The following HDAC8 variants were observed in gnomAD, a reference collection of about 807,000 sequenced individuals.
The protein encoded by HDAC8 is histone deacetylase-like 1.
In HDAC8, 1 loss-of-function variant was observed where a neutral mutation model predicts 32.2. That is an observed-to-expected ratio of 0.03 (90% CI 0.01 to 0.15). HDAC8 has a LOEUF of 0.15. Ranked by LOEUF, HDAC8 falls within the 10% of genes least tolerant of loss-of-function variation. HDAC8 has a pLI of 1.00. For synonymous variants in HDAC8, 108 were observed against 113.9 expected, an observed-to-expected ratio of 0.95 and a Z score of 0.33; for missense variants, 117 against 300.0, an observed-to-expected ratio of 0.39 and a Z score of 4.51.
At position 72,329,673 on chromosome X, in the gene HDAC8, C is replaced by T. The variant is rs782026895; in HGVS notation, c.*381G>A. On this transcript the variant is annotated 3_prime_UTR_variant, in exon 11 of 11. Transcript: ENST00000373573. ...CCCAAACCCTGCCTGTCAGCTGCCTCCTGCCCTACAAACTGGTGACTGCTC... is the reference window on the plus strand; with the variant it reads ...CCCAAACCCTGCCTGTCAGCTGCCTTCTGCCCTACAAACTGGTGACTGCTC... 3.5e-5 allele frequency: 41 copies of T among 1,185,917 alleles called. No homozygotes were observed. The highest frequency in any genetic ancestry group is 4.2e-5 in the Non-Finnish European group (37 of 882,950).
At chrX:72,504,487 T>C (rs954095619) in intron 4 of HDAC8, among the ~76,000 whole-genome samples, 2 of 111,708 alleles carry the variant, frequency 1.8e-5, no homozygotes, top group South Asian at 3.8e-4. Context: ...TCATCCATGT[T>C]GTAGCATGTG....
intron 9 of HDAC8, among the ~76,000 whole-genome samples, chrX:72,425,387 C>A (rs1375144607): frequency 9.0e-6 from 1 of 111,311 alleles, no homozygotes; most frequent in Non-Finnish European, 1.9e-5. Context: ...ACAGTTTCTG[C>A]TTATTTTCCT....
intron 4 of HDAC8, among the ~76,000 whole-genome samples, chrX:72,563,639 A>G (rs2051665896): frequency 8.9e-6 from 1 of 112,330 alleles, no homozygotes; most frequent in African/African-American, 3.2e-5. Context: ...TAGATTCACC[A>G]TTCCTTTATT....
At chrX:72,356,360 G>A (rs782407134) in intron 9 of HDAC8, among the ~76,000 whole-genome samples, 6 of 111,324 alleles carry the variant, frequency 5.4e-5, no homozygotes, top group East Asian at 5.6e-4. Flanking sequence ...TAGGGGGCAC[G>A]GACAAGGAGA....
At chrX:72,350,900 T>C (rs1466200922) in intron 10 of HDAC8, among the ~76,000 whole-genome samples, 1 of 111,774 alleles carries the variant, frequency 8.9e-6, no homozygotes, top group Non-Finnish European at 1.9e-5. Context: ...GGAAGGAGGC[T>C]AGGCCAGCAA....
intron 9 of HDAC8, among the ~76,000 whole-genome samples, chrX:72,408,429 G>A (rs1461307694): frequency 9.0e-6 from 1 of 110,614 alleles, no homozygotes; most frequent in Admixed American, 9.6e-5. Context: ...TTTTTTGAGA[G>A]GAAGTCTCGT....
Position 72,329,872 on chromosome X carries a change from G to T in HDAC8, c.*182C>A, listed in dbSNP as rs1288918070. ...CCCCTAGGTCCAGTTGAGGACTCTG[G>T]GGTGCCTGCCTCTTCACCCCAGGAA... On this transcript the variant is annotated 3_prime_UTR_variant, in exon 11 of 11. Transcript: ENST00000373573. The T allele has an allele frequency of 1.2e-6, 1 of 828,307 alleles. No homozygotes were observed. The highest frequency in any genetic ancestry group is 1.7e-6 in the Non-Finnish European group (1 of 579,627). 68.3% of individuals were successfully genotyped at this position (828,307 alleles called of 1,213,427 possible).
chrX:72,399,646 C>T (rs782553545), intron 9 of HDAC8, among the ~76,000 whole-genome samples: 1 of 111,904 alleles, frequency 8.9e-6, no homozygotes, highest in Admixed American at 9.4e-5. Context: ...AGGCTAGTAT[C>T]AGATTCCTGG....
chrX:72,440,918 A>C (rs1391733878), intron 9 of HDAC8, among the ~76,000 whole-genome samples: 15 of 112,599 alleles, frequency 1.3e-4, no homozygotes, highest in African/African-American at 4.8e-4. Context: ...ACGCCCACGG[A>C]GTCTTGCTGA....
At chrX:72,385,624 C>A (rs782066485) in intron 9 of HDAC8, among the ~76,000 whole-genome samples, 3 of 111,830 alleles carry the variant, frequency 2.7e-5, no homozygotes, top group African/African-American at 9.7e-5. Flanking sequence ...AAAAGGTCTA[C>A]TCTCAAATTT....
At chrX:72,463,562 A>G (rs1387781079) in intron 8 of HDAC8, among the ~76,000 whole-genome samples, 1 of 112,026 alleles carries the variant, frequency 8.9e-6, no homozygotes, top group East Asian at 2.8e-4. Context: ...AAGAAAAGTA[A>G]TATGTCACAC....
intron 9 of HDAC8, among the ~76,000 whole-genome samples, chrX:72,379,490 GTTTTTTTTTT>G (rs1191306787): frequency 2.1e-4 from 8 of 38,895 alleles, no homozygotes; most frequent in African/African-American, 6.7e-4. Context: ...TTTGTTTAGT[GTTTTTTTTTT>G]TTTTTTTTTT....
chrX:72,362,469 G>T (rs1284747678), intron 9 of HDAC8, among the ~76,000 whole-genome samples: 1 of 111,930 alleles, frequency 8.9e-6, no homozygotes, highest in Non-Finnish European at 1.9e-5. Context: ...TAGCAATGCA[G>T]ATGGACTAAC....
At chrX:72,484,304 T>G (rs1046257659) in intron 7 of HDAC8, among the ~76,000 whole-genome samples, 1 of 112,168 alleles carries the variant, frequency 8.9e-6, no homozygotes, top group Non-Finnish European at 1.9e-5. Context: ...CTGGATGGGT[T>G]GGTAGCTCTA....
intron 10 of HDAC8, among the ~76,000 whole-genome samples, chrX:72,343,448 C>T (rs1483586385): frequency 9.2e-6 from 1 of 109,204 alleles, no homozygotes; most frequent in Non-Finnish European, 1.9e-5. Context: ...GCTGGGATTA[C>T]AGGCGTGAGC....
chrX:72,409,898 T>C (rs1306092064), intron 9 of HDAC8, among the ~76,000 whole-genome samples: 1 of 112,653 alleles, frequency 8.9e-6, no homozygotes, highest in Non-Finnish European at 1.9e-5. Context: ...CAGTGGCTAG[T>C]ACAATGCCTA....
chrX:72,398,835 G>A (rs1346564889), intron 9 of HDAC8, among the ~76,000 whole-genome samples: 1 of 104,880 alleles, frequency 9.5e-6, no homozygotes, highest in Non-Finnish European at 2.0e-5. Flanking sequence ...TTTTATAGTC[G>A]GTACTTTATG....
At chrX:72,466,401 C>T (rs7053901) in intron 7 of HDAC8, among the ~76,000 whole-genome samples, 6,243 of 111,722 alleles carry the variant, frequency 0.056, 410 homozygotes, top group African/African-American at 0.19. Context: ...TAAAATACAA[C>T]GACAAATGAA....
intron 10 of HDAC8, among the ~76,000 whole-genome samples, chrX:72,343,733 T>C (rs2043951467): frequency 8.9e-6 from 1 of 112,407 alleles, no homozygotes; most frequent in Non-Finnish European, 1.9e-5. Flanking sequence ...CTCAAACTCC[T>C]GGGCTCAAGC....
Sources: gnomAD v4.1 joint callset for allele counts (sites outside exome capture counted in the v4.1 genomes callset) on GRCh38, gnomAD v4.1.1 for gene constraint, MANE v1.5 for transcripts, NCBI Gene and HGNC (gene_info 2026-07-23, HGNC 2026-07-21) for gene names.